Variants in RCHY1 observed in about 807,000 individuals in gnomAD.
RCHY1 encodes the protein RING finger and CHY zinc finger domain-containing protein 1.
Under a neutral mutation model 41.6 loss-of-function variants are expected in RCHY1, and 21 were observed. That is an observed-to-expected ratio of 0.51 (90% CI 0.36 to 0.73). The LOEUF (loss-of-function observed/expected upper bound fraction) is 0.73. Among genes scored for constraint, RCHY1 ranks in the 30% least tolerant of loss-of-function variants. The probability of loss-of-function intolerance (pLI) is 0.00; values close to 1 mark genes in which losing one functional copy is unlikely to be tolerated. For missense variants in RCHY1, 265 were observed against 325.3 expected, an observed-to-expected ratio of 0.81 and a Z score of 1.43; for synonymous variants, 79 against 102.9, an observed-to-expected ratio of 0.77 and a Z score of 1.41.
intron 3 of RCHY1, among the ~76,000 whole-genome samples, chr4:75,505,899 G>A (rs1265146041): frequency 6.6e-6 from 1 of 152,020 alleles, no homozygotes; most frequent in African/African-American, 2.4e-5. Context: ...CCTAAACTGT[G>A]CTGTGACAAG....
Position 75,482,359 on chromosome 4 carries a change from T to C in RCHY1, c.*179A>G. ...GTGGCTTTCATTCAATATAGAGCTA[T>C]GATAAGTCTATCAAGAGACCCTGAA... On this transcript the variant is annotated 3_prime_UTR_variant, in exon 9 of 9. Coordinates refer to ENST00000324439, the MANE Select transcript of RCHY1 (RefSeq NM_015436.4). The C allele has an allele frequency of 2.3e-6, 1 of 426,632 alleles. No individual in the cohort carries two copies. Among genetic ancestry groups the C allele is most frequent in the Non-Finnish European group, 3.9e-6 (1 of 253,166 alleles). 26.4% of individuals were successfully genotyped at this position (426,632 alleles called of 1,614,324 possible). A position where few individuals can be genotyped will look rare whatever the true frequency, so the allele number is the denominator to read the frequency against.
chr4:75,499,796 G>T (rs549802212), intron 3 of RCHY1, among the ~76,000 whole-genome samples: 1 of 152,314 alleles, frequency 6.6e-6, no homozygotes, highest in African/African-American at 2.4e-5. Context: ...GGGAGGGGAT[G>T]AAGAAAAGTT....
In RCHY1 at chr4:75,479,784, C is replaced by A. The variant is rs1369039468; in HGVS notation, c.*2754G>T. On this transcript the variant is annotated 3_prime_UTR_variant, in exon 9 of 9. Transcript: ENST00000324439. ...CAAATTCTGCGGCAGGGCAACCTAA[C>A]TTATTTCAGGGACAGATAATTCTAG... 2 of 151,362 alleles carry A rather than the reference C, an allele frequency of 1.3e-5. No homozygotes were observed. Among genetic ancestry groups the A allele is most frequent in the Non-Finnish European group, 2.9e-5 (2 of 67,866 alleles). 9.4% of individuals were successfully genotyped at this position (151,362 alleles called of 1,614,324 possible). A position where few individuals can be genotyped will look rare whatever the true frequency, so the allele number is the denominator to read the frequency against.
intron 8 of RCHY1, among the ~76,000 whole-genome samples, chr4:75,483,867 T>A (rs7698352): frequency 0.64 from 97,383 of 151,988 alleles, 31,856 homozygotes; most frequent in African/African-American, 0.77. Flanking sequence ...CTAGCCAGAA[T>A]ACTAGGCTTT....
intron 8 of RCHY1, among the ~76,000 whole-genome samples, chr4:75,483,859 A>G (rs1264601980): frequency 6.6e-6 from 1 of 152,186 alleles, no homozygotes; most frequent in African/African-American, 2.4e-5. Flanking sequence ...AAAATTATCT[A>G]GCCAGAATAC....
intron 4 of RCHY1, among the ~76,000 whole-genome samples, chr4:75,493,674 A>T (rs953889527): frequency 5.3e-5 from 8 of 152,034 alleles, no homozygotes; most frequent in African/African-American, 1.9e-4. Context: ...GGATTGTGAC[A>T]TAATTCCTAC....
intron 3 of RCHY1, among the ~76,000 whole-genome samples, chr4:75,495,870 T>C (rs531222507): frequency 5.5e-4 from 84 of 152,230 alleles, no homozygotes; most frequent in Middle Eastern, 6.8e-3. Context: ...ACTTTTGCCA[T>C]AAATTCATAT....
intron 8 of RCHY1, among the ~76,000 whole-genome samples, chr4:75,483,832 A>C (rs2148706394): frequency 6.6e-6 from 1 of 152,304 alleles, no homozygotes; most frequent in Non-Finnish European, 1.5e-5. Context: ...ATGTTCAGAA[A>C]ATGTGTAATA....
rs74557489 is a variant in RCHY1, at chr4:75,509,234, T to C, written c.153A>G (p.Gln51=). 1.9e-6 allele frequency: 3 copies of C among 1,613,370 alleles called. No individual in the cohort carries two copies. The highest frequency in any genetic ancestry group is 1.1e-5 in the South Asian group (1 of 91,016). ...RLCHDNNEDH[Q]LDRFKVKEVQ... ...CTTCCTTCACTTTAAAGCGATCTAG[T>C]TGATGATCTTCATTGTTATCATGAC... is the stretch of plus-strand genomic sequence containing the variant. The change falls in exon 2 of 9, where the codon CAA becomes CAG. Residue 51 remains glutamine, a synonymous_variant. Transcript: ENST00000324439.
chr4:75,498,632 G>A (rs936668920), intron 3 of RCHY1, among the ~76,000 whole-genome samples: 5 of 151,936 alleles, frequency 3.3e-5, no homozygotes, highest in African/African-American at 1.2e-4. Flanking sequence ...ACATATAAAT[G>A]TATGCATTTA....
intron 3 of RCHY1, among the ~76,000 whole-genome samples, chr4:75,503,471 C>T (rs964371960): frequency 2.2e-4 from 33 of 152,030 alleles, no homozygotes; most frequent in Admixed American, 7.9e-4. Context: ...CCAAGGTGGG[C>T]GGATCACGAG....
At chr4:75,486,483 A>C (rs1722015167) in intron 8 of RCHY1, among the ~76,000 whole-genome samples, 1 of 151,954 alleles carries the variant, frequency 6.6e-6, no homozygotes, top group South Asian at 2.1e-4. Flanking sequence ...TAATAATTTA[A>C]GGAAACATCC....
At chr4:75,492,191 T>G (rs10518139) in intron 4 of RCHY1, among the ~76,000 whole-genome samples, 2 of 151,682 alleles carry the variant, frequency 1.3e-5, no homozygotes, top group African/African-American at 4.8e-5. Flanking sequence ...ATAAGGAAAG[T>G]GACTTAGGAA....
chr4:75,511,609 C>A (rs1724883197), intron 1 of RCHY1, among the ~76,000 whole-genome samples: 1 of 152,026 alleles, frequency 6.6e-6, no homozygotes, highest in South Asian at 2.1e-4. Context: ...TGTCATTGAA[C>A]AGCATATTAA....
chr4:75,514,341 C>G lies in RCHY1; in HGVS notation c.-55G>C. The stretch of plus-strand genomic sequence containing the variant: ...TCCTTCCCCCAGGATAAAAACCACG[C>G]CCAGAGAAGCTGCGCCTCTCTAGCA... On this transcript the variant is annotated 5_prime_UTR_variant, in exon 1 of 9. Transcript: ENST00000324439. 1 of 1,569,498 alleles carries G rather than the reference C, an allele frequency of 6.4e-7. No individual in the cohort carries two copies. Among genetic ancestry groups the G allele is most frequent in the Admixed American group, 1.7e-5 (1 of 58,206 alleles).
chr4:75,492,932 C>A (rs1162949467), intron 4 of RCHY1, among the ~76,000 whole-genome samples: 11 of 151,890 alleles, frequency 7.2e-5, no homozygotes, highest in Admixed American at 7.2e-4. Context: ...CTAAAGTGCA[C>A]CTCACACATA....
intron 8 of RCHY1, among the ~76,000 whole-genome samples, chr4:75,489,094 A>AT (rs1722509742): frequency 1.3e-5 from 2 of 152,072 alleles, no homozygotes; most frequent in Admixed American, 6.6e-5. Context: ...AAAAAAAAAA[A>AT]GTCTGCATTC....
At chr4:75,487,794 T>TTCA (rs1465105908) in intron 8 of RCHY1, among the ~76,000 whole-genome samples, 4 of 63,964 alleles carry the variant, frequency 6.3e-5, no homozygotes, top group African/African-American at 4.6e-4. Flanking sequence ...AATATATATA[T>TTCA]TCATATATAT....
intron 4 of RCHY1, among the ~76,000 whole-genome samples, chr4:75,493,184 T>C (rs1722903308): frequency 2.0e-5 from 3 of 151,984 alleles, no homozygotes; most frequent in Admixed American, 2.0e-4. Context: ...CAATCTTTTA[T>C]CTTCAAAAAA....
Sources: allele counts gnomAD v4.1 joint callset (sites outside exome capture counted in the v4.1 genomes callset), GRCh38; gene constraint gnomAD v4.1.1; transcripts MANE v1.5; gene names NCBI Gene and HGNC (gene_info 2026-07-23, HGNC 2026-07-21).